SULF1: variants seen among roughly 807,000 people sequenced by gnomAD.
The protein encoded by SULF1 is extracellular sulfatase Sulf-1.
In SULF1, 46 loss-of-function variants were observed where a neutral mutation model predicts 110.5. That is an observed-to-expected ratio of 0.42 (90% CI 0.33 to 0.53). SULF1 has a LOEUF of 0.53. Ranked by LOEUF, SULF1 falls within the 20% of genes least tolerant of loss-of-function variation. SULF1 has a pLI of 0.12. For synonymous variants in SULF1, 371 were observed against 387.1 expected, an observed-to-expected ratio of 0.96 and a Z score of 0.49; for missense variants, 941 against 1,094.2, an observed-to-expected ratio of 0.86 and a Z score of 1.98.
At chr8:69,631,486 G>A (rs146587807) in intron 19 of SULF1, among the ~76,000 whole-genome samples, 1 of 152,210 alleles carries the variant, frequency 6.6e-6, no homozygotes, top group African/African-American at 2.4e-5. Context: ...ACCCCAGAAG[G>A]CTGAGGCTTC....
At chr8:69,657,392 AG>A (rs1812807594) in intron 22 of SULF1, among the ~76,000 whole-genome samples, 1 of 152,316 alleles carries the variant, frequency 6.6e-6, no homozygotes, top group African/African-American at 2.4e-5. Flanking sequence ...AATCGTGCAC[AG>A]GCACAAGGCT....
At chr8:69,499,218 A>G (rs537953681) in intron 2 of SULF1, among the ~76,000 whole-genome samples, 4 of 152,316 alleles carry the variant, frequency 2.6e-5, no homozygotes, top group African/African-American at 9.6e-5. Context: ...AAAGCTATGT[A>G]TAAGTTGTTT....
In SULF1 at chr8:69,603,177, T is replaced by C; in HGVS notation, c.1062-15T>C. The stretch of plus-strand genomic sequence containing the variant: ...TGGCATTGGATCTCAGCCATCACCG[T>C]GTGCCCCTTTACAGAGTCCCACAGA... On this transcript the variant is annotated splice_polypyrimidine_tract_variant and intron_variant, in intron 10 of 22. Coordinates refer to ENST00000402687, the MANE Select transcript of SULF1 (RefSeq NM_001128205.2). 6.2e-7 allele frequency: 1 copy of C among 1,614,064 alleles called. No individual in the cohort carries two copies. The highest frequency in any genetic ancestry group is 8.5e-7 in the Non-Finnish European group (1 of 1,179,980).
At chr8:69,582,129 A>G (rs1025583306) in intron 6 of SULF1, among the ~76,000 whole-genome samples, 4 of 152,222 alleles carry the variant, frequency 2.6e-5, no homozygotes, top group African/African-American at 4.8e-5. Flanking sequence ...AGGAAAGGGC[A>G]GGAATGACTT....
chr8:69,574,689 T>C (rs564893454), intron 5 of SULF1, among the ~76,000 whole-genome samples: 1 of 152,338 alleles, frequency 6.6e-6, no homozygotes, highest in East Asian at 1.9e-4. Context: ...GTTGATAGAA[T>C]GTTTTGCATG....
intron 5 of SULF1, among the ~76,000 whole-genome samples, chr8:69,565,298 T>C (rs1349918054): frequency 6.6e-6 from 1 of 151,862 alleles, no homozygotes; most frequent in Non-Finnish European, 1.5e-5. Flanking sequence ...CATACATGAG[T>C]GTGTATTTAG....
rs556650860 is a variant in SULF1, at chr8:69,469,685, C to T, written c.-391+2735C>T. Among the ~76,000 whole-genome samples the T allele has an allele frequency of 1.5e-3, 223 of 152,234 alleles. 1 individual carries two copies. Among genetic ancestry groups the T allele is most frequent in the African/African-American group, 5.0e-3 (207 of 41,542 alleles). On this transcript the variant is annotated intron_variant, in intron 1 of 22. Coordinates refer to the SULF1 transcript ENST00000260128. The stretch of plus-strand genomic sequence containing the variant: ...CCTATTTCCTTCCCTAATTATGTAT[C>T]CATATTGGAAGGGTTAGAGGTTTGT...
chr8:69,545,114 C>CA, intron 3 of SULF1, among the ~76,000 whole-genome samples: 1 of 142,274 alleles, frequency 7.0e-6, no homozygotes. Flanking sequence ...TTCTATGGCT[C>CA]ATGAGAGATT....
intron 3 of SULF1, among the ~76,000 whole-genome samples, chr8:69,529,091 G>A (rs917929422): frequency 4.6e-5 from 7 of 152,244 alleles, no homozygotes; most frequent in African/African-American, 1.4e-4. Flanking sequence ...TCTTACTCCA[G>A]CTTTACTAAT....
At chr8:69,538,865 G>A (rs1220563489) in intron 3 of SULF1, among the ~76,000 whole-genome samples, 1 of 151,988 alleles carries the variant, frequency 6.6e-6, no homozygotes, top group Non-Finnish European at 1.5e-5. Context: ...GCTAATTTTT[G>A]TATTTTTAGT....
intron 8 of SULF1, among the ~76,000 whole-genome samples, chr8:69,589,595 G>C (rs1806736426): frequency 6.6e-6 from 1 of 152,248 alleles, no homozygotes; most frequent in African/African-American, 2.4e-5. Context: ...CGTGCAATTA[G>C]AATTCCTGCA....
At chr8:69,600,537 T>C in intron 8 of SULF1, 66 bp from the exon 9 acceptor site, 1 of 1,454,556 alleles carries the variant, frequency 6.9e-7, no homozygotes, top group African/African-American at 1.4e-5. Context: ...TTTCACAACC[T>C]CGAGATATTT....
chr8:69,527,593 G>A (rs960468850), intron 3 of SULF1, among the ~76,000 whole-genome samples: 5 of 152,122 alleles, frequency 3.3e-5, no homozygotes, highest in African/African-American at 1.2e-4. Flanking sequence ...TACCAGTTAT[G>A]CGAAAAACAG....
intron 6 of SULF1, among the ~76,000 whole-genome samples, chr8:69,579,480 C>G (rs1251348600): frequency 6.7e-6 from 1 of 148,246 alleles, no homozygotes; most frequent in African/African-American, 2.5e-5. Flanking sequence ...ACCAAGGAGG[C>G]AGAGGTTGCA....
rs1041849709 is a variant in SULF1, at chr8:69,660,701, C to G, written c.*2166C>G. On this transcript the variant is annotated 3_prime_UTR_variant, in exon 23 of 23. Transcript: ENST00000402687. ...GACTCTGTACATATGTTCAAATTAG[C>G]TGCTTGCCTGATGTGTGTATCATCG... 6.6e-6 allele frequency: 1 copy of G among 152,538 alleles called. No individual in the cohort carries two copies. Among genetic ancestry groups the G allele is most frequent in the African/African-American group, 2.4e-5 (1 of 41,434 alleles). 9.4% of individuals were successfully genotyped at this position (152,538 alleles called of 1,614,324 possible).
chr8:69,476,096 T>C (rs1228940471), intron 1 of SULF1, among the ~76,000 whole-genome samples: 1 of 152,168 alleles, frequency 6.6e-6, no homozygotes, highest in Non-Finnish European at 1.5e-5. Flanking sequence ...CAAGAAGAGA[T>C]GAAATATTTA....
chr8:69,611,424 C>T (rs1808645598), intron 13 of SULF1, among the ~76,000 whole-genome samples: 2 of 152,116 alleles, frequency 1.3e-5, no homozygotes. Flanking sequence ...TTTCTGTTTT[C>T]CGTCCCCCTC....
At chr8:69,558,326 G>A (rs1815250681) in intron 3 of SULF1, among the ~76,000 whole-genome samples, 1 of 152,140 alleles carries the variant, frequency 6.6e-6, no homozygotes, top group Non-Finnish European at 1.5e-5. Context: ...ATTCAGCTTC[G>A]CATAACTGCA....
chr8:69,621,119 A>T lies in SULF1; in HGVS notation c.1462A>T (p.Ser488Cys), dbSNP rs1454819897. The T allele has an allele frequency of 6.2e-7, 1 of 1,614,064 alleles. No individual in the cohort carries two copies. Among genetic ancestry groups the T allele is most frequent in the Non-Finnish European group, 8.5e-7 (1 of 1,180,008 alleles). ...GPSDLLTVRQSTRNLYARGFH... is the reference protein window; with the variant it reads ...GPSDLLTVRQCTRNLYARGFH... ...CAGTGACCTGCTCACAGTCCGGCAGAGCACGCGGAACCTCTACGCTCGCGG... is the reference window on the plus strand; with the variant it reads ...CAGTGACCTGCTCACAGTCCGGCAGTGCACGCGGAACCTCTACGCTCGCGG... The change falls in exon 14 of 23, where the codon AGC becomes TGC. Residue 488 changes from serine (S) to cysteine (C), a missense_variant. Transcript: ENST00000402687.
Sources: allele counts gnomAD v4.1 joint callset (sites outside exome capture counted in the v4.1 genomes callset), GRCh38; gene constraint gnomAD v4.1.1; transcripts MANE v1.5; gene names NCBI Gene and HGNC (gene_info 2026-07-23, HGNC 2026-07-21).